Variants in CDH13 observed in about 807,000 individuals in gnomAD.
CDH13 encodes the protein cadherin 13, also known as cadherin-13.
CDH13 carries 24 observed loss-of-function variants against 63.8 expected under a neutral mutation model. That is an observed-to-expected ratio of 0.38 (90% CI 0.27 to 0.53). The LOEUF is 0.53. CDH13 is among the 20% of genes least tolerant of loss of function. The pLI is 0.85. For missense variants in CDH13, 1,049 were observed against 903.1 expected, an observed-to-expected ratio of 1.16 and a Z score of -2.07; for synonymous variants, 503 against 355.3, an observed-to-expected ratio of 1.42 and a Z score of -4.67.
intron 2 of CDH13, among the ~76,000 whole-genome samples, chr16:83,004,179 C>T (rs1296913299): frequency 6.6e-6 from 1 of 152,190 alleles, no homozygotes; most frequent in Non-Finnish European, 1.5e-5. Context: ...AATCCCATTC[C>T]TTATACCGTG....
At chr16:83,207,925 A>G (rs1328260790) in intron 4 of CDH13, among the ~76,000 whole-genome samples, 1 of 152,204 alleles carries the variant, frequency 6.6e-6, no homozygotes, top group Non-Finnish European at 1.5e-5. Flanking sequence ...TAAGAAGGAA[A>G]CCAGACTGGC....
chr16:83,419,810 A>C (rs944716268), intron 6 of CDH13, among the ~76,000 whole-genome samples: 24 of 152,194 alleles, frequency 1.6e-4, no homozygotes, highest in African/African-American at 5.5e-4. Flanking sequence ...CAGGTTTAGG[A>C]GTCACCTAAA....
Position 82,689,383 on chromosome 16 carries a change from A to T in CDH13, c.45+62246A>T, listed in dbSNP as rs374442072. On this transcript the variant is annotated intron_variant, in intron 1 of 13. Coordinates refer to ENST00000567109, the MANE Select transcript of CDH13 (RefSeq NM_001257.5). Reference sequence around the variant, plus strand: ...ACTCTTACAGAAAGCCAATGTTATCATTTGGGTCCATTATTAAGACTATCA... The same window carrying T: ...ACTCTTACAGAAAGCCAATGTTATCTTTTGGGTCCATTATTAAGACTATCA... Among the ~76,000 whole-genome samples the T allele has an allele frequency of 7.9e-5, 12 of 152,278 alleles. No homozygotes were observed. In the East Asian group the frequency reaches 1.5e-3, roughly 20 times the overall value.
chr16:83,197,024 C>G (rs986635203), intron 4 of CDH13, among the ~76,000 whole-genome samples: 1 of 152,152 alleles, frequency 6.6e-6, no homozygotes, highest in Non-Finnish European at 1.5e-5. Flanking sequence ...TTGCCAGAAA[C>G]TGAAAACAAC....
intron 11 of CDH13, among the ~76,000 whole-genome samples, chr16:83,762,818 A>T (rs1463117593): frequency 6.6e-6 from 1 of 152,082 alleles, no homozygotes; most frequent in African/African-American, 2.4e-5. Context: ...TTGTTATTGA[A>T]TGGGGCTCTT....
chr16:82,827,312 C>G (rs1354449203), intron 1 of CDH13, among the ~76,000 whole-genome samples: 1 of 151,932 alleles, frequency 6.6e-6, no homozygotes, highest in Admixed American at 6.6e-5. Context: ...TATTGTTTGG[C>G]CATAAGAGGG....
At chr16:83,712,683 T>C (rs1199628689) in intron 10 of CDH13, among the ~76,000 whole-genome samples, 1 of 152,216 alleles carries the variant, frequency 6.6e-6, no homozygotes, top group East Asian at 1.9e-4. Context: ...TGTCTACACA[T>C]CTATCCTTTT....
chr16:83,764,058 A>G (rs1042093513), intron 11 of CDH13, among the ~76,000 whole-genome samples: 8 of 152,214 alleles, frequency 5.3e-5, no homozygotes, highest in African/African-American at 1.9e-4. Context: ...AGGGTTGGAA[A>G]TCATGAATGC....
At chr16:82,671,450 C>G (rs551393246) in intron 1 of CDH13, among the ~76,000 whole-genome samples, 2 of 152,184 alleles carry the variant, frequency 1.3e-5, no homozygotes, top group South Asian at 2.1e-4. Flanking sequence ...CACATTTATA[C>G]ACATGTCTTT....
intron 5 of CDH13, among the ~76,000 whole-genome samples, chr16:83,282,243 C>T (rs1283477588): frequency 6.6e-6 from 1 of 152,096 alleles, no homozygotes; most frequent in Non-Finnish European, 1.5e-5. Context: ...CTCAGATCAT[C>T]ATAAGAGACA....
At chr16:82,863,712 G>T (rs2040026221) in intron 2 of CDH13, among the ~76,000 whole-genome samples, 1 of 151,996 alleles carries the variant, frequency 6.6e-6, no homozygotes, top group South Asian at 2.1e-4. Flanking sequence ...TTCATTCATA[G>T]ACCTCAGCTA....
chr16:83,232,545 CAA>C (rs371820662), intron 5 of CDH13, among the ~76,000 whole-genome samples: 1 of 107,958 alleles, frequency 9.3e-6, no homozygotes, highest in African/African-American at 3.8e-5. Context: ...ACAACAACAA[CAA>C]ACAAACAAAA....
At chr16:83,327,198 CGT>C (rs983538248) in intron 5 of CDH13, among the ~76,000 whole-genome samples, 1 of 152,196 alleles carries the variant, frequency 6.6e-6, no homozygotes, top group African/African-American at 2.4e-5. Flanking sequence ...TAGTAATACA[CGT>C]GTGAGAACAA....
At chr16:83,530,378 A>G (rs2075056815) in intron 7 of CDH13, among the ~76,000 whole-genome samples, 1 of 152,292 alleles carries the variant, frequency 6.6e-6, no homozygotes, top group South Asian at 2.1e-4. Context: ...CTTCTTACAC[A>G]TTCAGATGGC....
intron 5 of CDH13, among the ~76,000 whole-genome samples, chr16:83,287,889 C>T (rs35152787): frequency 0.042 from 6,452 of 152,138 alleles, 189 homozygotes; most frequent in Middle Eastern, 0.068. Flanking sequence ...AAAATTAATG[C>T]ATAGAAGTCC....
chr16:82,839,210 T>C (rs2038903576), intron 1 of CDH13, among the ~76,000 whole-genome samples: 1 of 152,162 alleles, frequency 6.6e-6, no homozygotes. Flanking sequence ...GGGTTACAGT[T>C]CTTCTCAGGG....
intron 3 of CDH13, among the ~76,000 whole-genome samples, chr16:83,054,859 T>C (rs2030755041): frequency 6.6e-6 from 1 of 152,078 alleles, no homozygotes; most frequent in Non-Finnish European, 1.5e-5. Flanking sequence ...CAAAATTTGG[T>C]TCTAACAAAA....
intron 8 of CDH13, among the ~76,000 whole-genome samples, chr16:83,648,315 A>G (rs1216470588): frequency 6.6e-6 from 1 of 152,200 alleles, no homozygotes; most frequent in East Asian, 1.9e-4. Flanking sequence ...AACTTTCCAT[A>G]TGGACTGTTT....
intron 3 of CDH13, among the ~76,000 whole-genome samples, chr16:83,108,009 G>C (rs2034863299): frequency 6.6e-6 from 1 of 152,012 alleles, no homozygotes; most frequent in South Asian, 2.1e-4. Flanking sequence ...TTTTAGTAGA[G>C]ACGGGGTTTC....
Sources: allele counts gnomAD v4.1 joint callset (sites outside exome capture counted in the v4.1 genomes callset), GRCh38; gene constraint gnomAD v4.1.1; transcripts MANE v1.5; gene names NCBI Gene and HGNC (gene_info 2026-07-23, HGNC 2026-07-21).